Variants in ABCC4 observed in about 807,000 individuals in gnomAD.
ABCC4 encodes the protein ATP-binding cassette sub-family C member 4.
In ABCC4, 102 loss-of-function variants were observed where a neutral mutation model predicts 168.5. That is an observed-to-expected ratio of 0.61 (90% CI 0.52 to 0.71). The LOEUF is 0.71. Ranked by LOEUF, ABCC4 falls within the 30% of genes least tolerant of loss-of-function variation. The pLI is 0.00. For missense variants in ABCC4, 1,402 were observed against 1,605.8 expected (o/e 0.87, Z 2.17); for synonymous variants, 617 against 590.7 (o/e 1.04, Z -0.65).
intron 1 of ABCC4, among the ~76,000 whole-genome samples, chr13:95,254,369 A>G (rs1265568943): frequency 6.6e-6 from 1 of 151,596 alleles, no homozygotes; most frequent in Non-Finnish European, 1.5e-5. Context: ...TTGCTTAAAA[A>G]AAAACACAAA....
At chr13:95,292,308 G>A (rs1464666283) in intron 1 of ABCC4, among the ~76,000 whole-genome samples, 1 of 152,062 alleles carries the variant, frequency 6.6e-6, no homozygotes, top group Non-Finnish European at 1.5e-5. Flanking sequence ...GCAGTGAACT[G>A]AGATCGCACC....
chr13:95,066,487 C>A (rs564651296), intron 25 of ABCC4, among the ~76,000 whole-genome samples: 2 of 152,160 alleles, frequency 1.3e-5, no homozygotes, highest in South Asian at 2.1e-4. Context: ...GCAAAAAAAA[C>A]CAGAAATCCC....
intron 19 of ABCC4, among the ~76,000 whole-genome samples, chr13:95,138,244 C>T (rs1367571062): frequency 6.6e-6 from 1 of 151,926 alleles, no homozygotes; most frequent in Admixed American, 6.6e-5. Context: ...GAAAATAAAC[C>T]CAGGAAATAT....
At chr13:95,205,082 C>A (rs2038743181) in intron 8 of ABCC4, among the ~76,000 whole-genome samples, 1 of 152,172 alleles carries the variant, frequency 6.6e-6, no homozygotes, top group South Asian at 2.1e-4. Flanking sequence ...GTGTTACTGA[C>A]CTGCATGGAC....
chr13:95,057,128 A>G (rs891714115), intron 26 of ABCC4, among the ~76,000 whole-genome samples: 3 of 152,216 alleles, frequency 2.0e-5, no homozygotes, highest in Non-Finnish European at 4.4e-5. Flanking sequence ...AACACAAAAG[A>G]AGCATACATT....
intron 9 of ABCC4, among the ~76,000 whole-genome samples, chr13:95,192,503 AT>A (rs1199191878): frequency 6.6e-6 from 1 of 151,868 alleles, no homozygotes; most frequent in Non-Finnish European, 1.5e-5. Flanking sequence ...TACAAAAGAA[AT>A]TTGCAAATGG....
intron 20 of ABCC4, among the ~76,000 whole-genome samples, chr13:95,114,067 A>G (rs2035291164): frequency 6.6e-6 from 1 of 152,190 alleles, no homozygotes; most frequent in Non-Finnish European, 1.5e-5. Flanking sequence ...CTTGGAGACA[A>G]TAACATTAGG....
chr13:95,212,479 C>T (rs2038989033), intron 4 of ABCC4, among the ~76,000 whole-genome samples: 1 of 152,180 alleles, frequency 6.6e-6, no homozygotes, highest in African/African-American at 2.4e-5. Flanking sequence ...AAACTCTAAG[C>T]CTAAGCTGAC....
chr13:95,295,237 C>T (rs1246812395), intron 1 of ABCC4, among the ~76,000 whole-genome samples: 2 of 152,028 alleles, frequency 1.3e-5, no homozygotes, highest in East Asian at 3.9e-4. Flanking sequence ...ACTATTTGGC[C>T]GGCCACAGTG....
At chr13:95,256,302 C>A (rs1444262363) in intron 1 of ABCC4, among the ~76,000 whole-genome samples, 2 of 152,180 alleles carry the variant, frequency 1.3e-5, no homozygotes, top group African/African-American at 4.8e-5. Context: ...GAGATGAAAG[C>A]ATTGTTCATT....
At chr13:95,134,296 A>G (rs1436479351) in intron 19 of ABCC4, among the ~76,000 whole-genome samples, 2 of 152,218 alleles carry the variant, frequency 1.3e-5, no homozygotes, top group African/African-American at 4.8e-5. Context: ...CATTCTCTAT[A>G]CTTCCAGGGG....
At chr13:95,239,303 G>A (rs1358067437) in intron 3 of ABCC4, among the ~76,000 whole-genome samples, 1 of 151,974 alleles carries the variant, frequency 6.6e-6, no homozygotes, top group African/African-American at 2.4e-5. Context: ...ACAGATGAAG[G>A]GAGAAAAGAG....
chr13:95,036,723 A>G (rs569434602), intron 29 of ABCC4, among the ~76,000 whole-genome samples: 5 of 152,306 alleles, frequency 3.3e-5, no homozygotes, highest in South Asian at 2.1e-4. Flanking sequence ...TTTAACTTCT[A>G]TAAGGTTTCA....
intron 8 of ABCC4, among the ~76,000 whole-genome samples, chr13:95,201,681 G>C (rs1259061595): frequency 6.6e-6 from 1 of 152,170 alleles, no homozygotes; most frequent in Non-Finnish European, 1.5e-5. Context: ...GGATTAAAGA[G>C]TGTGTGATGG....
At chr13:95,228,654 C>T (rs2039534530) in intron 4 of ABCC4, among the ~76,000 whole-genome samples, 1 of 151,812 alleles carries the variant, frequency 6.6e-6, no homozygotes, top group South Asian at 2.1e-4. Context: ...ATCCCAGCTA[C>T]TTGGGAAGCT....
chr13:95,133,199 C>T (rs528627761), intron 19 of ABCC4, among the ~76,000 whole-genome samples: 15 of 150,476 alleles, frequency 1.0e-4, no homozygotes, highest in African/African-American at 3.4e-4. Flanking sequence ...CTGCAACCTC[C>T]GCCTCCTGGG....
intron 27 of ABCC4, among the ~76,000 whole-genome samples, chr13:95,050,880 T>A (rs1594010613): frequency 6.6e-6 from 1 of 152,358 alleles, no homozygotes; most frequent in South Asian, 2.1e-4. Context: ...TTCTAAAAAG[T>A]ACTTTTGCTC....
At chr13:95,278,832 A>AC (rs2041039975) in intron 1 of ABCC4, among the ~76,000 whole-genome samples, 1 of 149,436 alleles carries the variant, frequency 6.7e-6, no homozygotes, top group Non-Finnish European at 1.5e-5. Flanking sequence ...AAAAAAAAAA[A>AC]ACACAGACTG....
intron 27 of ABCC4, among the ~76,000 whole-genome samples, chr13:95,052,161 A>G (rs1422148897): frequency 6.6e-6 from 1 of 151,992 alleles, no homozygotes; most frequent in African/African-American, 2.4e-5. Context: ...CTGTATTTTT[A>G]GTAGAAATGG....
Sources: gnomAD v4.1 joint callset for allele counts (sites outside exome capture counted in the v4.1 genomes callset) on GRCh38, gnomAD v4.1.1 for gene constraint, MANE v1.5 for transcripts, NCBI Gene and HGNC (gene_info 2026-07-23, HGNC 2026-07-21) for gene names.